SAMMSON: variants seen among roughly 807,000 people sequenced by gnomAD.
SAMMSON encodes long intergenic non-protein coding RNA 1212.
intron 4 of SAMMSON, among the ~76,000 whole-genome samples, chr3:70,195,269 C>T (rs1253284163): frequency 1.3e-5 from 2 of 152,018 alleles, no homozygotes; most frequent in Admixed American, 6.5e-5. Context: ...AGAGCTGTTT[C>T]TTCGAGCTTC....
intron 4 of SAMMSON, among the ~76,000 whole-genome samples, chr3:70,219,427 C>T (rs2106735586): frequency 6.6e-6 from 1 of 152,080 alleles, no homozygotes; most frequent in African/African-American, 2.4e-5. Flanking sequence ...TTGATGTGAC[C>T]AAGAGAGCTG....
chr3:70,194,771 T>C (rs1701159588), intron 4 of SAMMSON, among the ~76,000 whole-genome samples: 1 of 152,164 alleles, frequency 6.6e-6, no homozygotes, highest in African/African-American at 2.4e-5. Flanking sequence ...GAATGATAAT[T>C]GAAATATTTA....
chr3:70,415,380 A>C (rs1004590624), intron 2 of SAMMSON, among the ~76,000 whole-genome samples: 5 of 152,120 alleles, frequency 3.3e-5, no homozygotes, highest in African/African-American at 1.2e-4. Context: ...TTAATCACAA[A>C]GGAAAAATGT....
At chr3:70,375,664 C>A (rs1703008575) in intron 9 of SAMMSON, among the ~76,000 whole-genome samples, 1 of 152,136 alleles carries the variant, frequency 6.6e-6, no homozygotes. Context: ...ATGCCAACTT[C>A]ATCTGCTTCT....
intron 4 of SAMMSON, among the ~76,000 whole-genome samples, chr3:70,248,215 A>G (rs116600992): frequency 0.045 from 6,793 of 152,168 alleles, 221 homozygotes; most frequent in Middle Eastern, 0.088. Flanking sequence ...CATTGTAGTT[A>G]TGTGCTATAA....
intron 4 of SAMMSON, among the ~76,000 whole-genome samples, chr3:70,082,073 C>T (rs1426410282): frequency 6.6e-6 from 1 of 152,168 alleles, no homozygotes; most frequent in Non-Finnish European, 1.5e-5. Flanking sequence ...TATTCCAACA[C>T]AGGAACAAAT....
chr3:70,226,183 AC>A (rs1487917059), intron 4 of SAMMSON, among the ~76,000 whole-genome samples: 1 of 152,218 alleles, frequency 6.6e-6, no homozygotes, highest in Non-Finnish European at 1.5e-5. Context: ...CATTCGATAA[AC>A]ATTTATGAAT....
chr3:70,097,866 CAT>C (rs2067328154), intron 4 of SAMMSON, among the ~76,000 whole-genome samples: 1 of 152,166 alleles, frequency 6.6e-6, no homozygotes, highest in Admixed American at 6.5e-5. Context: ...CAAACCATTT[CAT>C]AGTTCTTAAA....
chr3:70,144,231 G>A (rs1219577434), intron 4 of SAMMSON, among the ~76,000 whole-genome samples: 3 of 151,998 alleles, frequency 2.0e-5, no homozygotes, highest in Admixed American at 1.3e-4. Flanking sequence ...ACAGGGACAG[G>A]CAGCAAATTG....
At chr3:70,191,846 C>A (rs1333880445) in intron 4 of SAMMSON, among the ~76,000 whole-genome samples, 15 of 146,402 alleles carry the variant, frequency 1.0e-4, no homozygotes, top group African/African-American at 3.5e-4. Flanking sequence ...TGCCGTGTAA[C>A]CTGGGACAAT....
At chr3:70,390,362 C>G (rs1404638034), downstream of SAMMSON, among the ~76,000 whole-genome samples, 2 of 151,956 alleles carry the variant, frequency 1.3e-5, no homozygotes, top group African/African-American at 4.8e-5. Context: ...TGTATTAGGC[C>G]ATTCTTGCAT....
At chr3:70,019,758 C>G (rs574465174) in intron 3 of SAMMSON, among the ~76,000 whole-genome samples, 1 of 152,194 alleles carries the variant, frequency 6.6e-6, no homozygotes, top group South Asian at 2.1e-4. Context: ...CCTTCAGGAG[C>G]TCTTGTAGGG....
intron 4 of SAMMSON, among the ~76,000 whole-genome samples, chr3:70,148,162 G>A (rs573117453): frequency 6.6e-6 from 1 of 152,186 alleles, no homozygotes; most frequent in South Asian, 2.1e-4. Context: ...GGAGCAACTG[G>A]AATTTTCAAA....
At chr3:70,153,028 T>C (rs908256946) in intron 4 of SAMMSON, among the ~76,000 whole-genome samples, 1 of 152,010 alleles carries the variant, frequency 6.6e-6, no homozygotes. Context: ...CGTCATTCCA[T>C]TGGCCCTTTA....
chr3:70,357,167 A>C (rs888838229), intron 8 of SAMMSON, among the ~76,000 whole-genome samples: 1 of 152,164 alleles, frequency 6.6e-6, no homozygotes, highest in Admixed American at 6.6e-5. Context: ...ATGTACAAGG[A>C]CATGGACATG....
intron 2 of SAMMSON, among the ~76,000 whole-genome samples, chr3:70,403,926 C>T (rs530759625): frequency 1.2e-3 from 183 of 152,208 alleles, no homozygotes; most frequent in African/African-American, 4.3e-3. Flanking sequence ...TCAAATTTTA[C>T]TTTAAGGATC....
chr3:70,057,567 C>G (rs776137459), intron 3 of SAMMSON, among the ~76,000 whole-genome samples: 4 of 151,864 alleles, frequency 2.6e-5, no homozygotes, highest in Non-Finnish European at 5.9e-5. Flanking sequence ...AAAACTGTAG[C>G]TAATTTTTCC....
intron 2 of SAMMSON, among the ~76,000 whole-genome samples, chr3:70,399,865 A>C (rs1276716362): frequency 3.3e-5 from 5 of 149,692 alleles, no homozygotes; most frequent in Admixed American, 6.6e-5. Context: ...AAAAAAAAAA[A>C]ACAAAAAAAA....
intron 4 of SAMMSON, among the ~76,000 whole-genome samples, chr3:70,141,450 A>G (rs1019702897): frequency 1.3e-5 from 2 of 152,148 alleles, no homozygotes; most frequent in Non-Finnish European, 2.9e-5. Flanking sequence ...AACAGATTGG[A>G]TGATACCCAC....
Sources: allele counts gnomAD v4.1 joint callset (sites outside exome capture counted in the v4.1 genomes callset), GRCh38; gene constraint gnomAD v4.1.1; transcripts MANE v1.5; gene names NCBI Gene and HGNC (gene_info 2026-07-23, HGNC 2026-07-21).